The following WASHC3 variants were observed in gnomAD, a reference collection of about 807,000 sequenced individuals.
The protein encoded by WASHC3 is WASH complex subunit CCDC53.
WASHC3 carries 24 observed loss-of-function variants against 26.1 expected under a neutral mutation model. The observed-to-expected ratio is 0.92, with a 90% CI of 0.66 to 1.29. WASHC3 has a LOEUF of 1.29. Ranked by LOEUF, WASHC3 falls within the 50% of genes most tolerant of loss-of-function variation. The pLI is 0.00. For missense variants in WASHC3, 214 were observed against 229.6 expected, an observed-to-expected ratio of 0.93 and a Z score of 0.44; for synonymous variants, 77 against 75.7, an observed-to-expected ratio of 1.02 and a Z score of -0.09.
chr12:102,037,081 C>G (rs1877695151), intron 5 of WASHC3, among the ~76,000 whole-genome samples: 1 of 152,068 alleles, frequency 6.6e-6, no homozygotes, highest in Non-Finnish European at 1.5e-5. Context: ...AGTACCAACT[C>G]TAGAGATTCT....
At chr12:102,049,223 CT>C (rs1878292478) in intron 2 of WASHC3, among the ~76,000 whole-genome samples, 1 of 152,222 alleles carries the variant, frequency 6.6e-6, no homozygotes. Context: ...GCTAGTAGCA[CT>C]CCCCAGTTAT....
chr12:102,031,358 GAAGGAGGAGGACAAATGTCA>G (rs1370529360), intron 5 of WASHC3, among the ~76,000 whole-genome samples: 1 of 152,176 alleles, frequency 6.6e-6, no homozygotes, highest in African/African-American at 2.4e-5. Flanking sequence ...CTAGAAAGTA[GAAGGAGGAGGACAAATGTCA>G]GAGGTCACTT....
At chr12:102,013,719 ATGTT>A (rs1876580762) in intron 6 of WASHC3, among the ~76,000 whole-genome samples, 1 of 152,248 alleles carries the variant, frequency 6.6e-6, no homozygotes, top group Non-Finnish European at 1.5e-5. Flanking sequence ...AAGGTTCTTA[ATGTT>A]TGTTAAACGT....
intron 6 of WASHC3, among the ~76,000 whole-genome samples, chr12:102,021,061 G>A (rs555126820): frequency 5.3e-5 from 8 of 152,130 alleles, no homozygotes; most frequent in East Asian, 1.9e-4. Flanking sequence ...CAGCCTGGGC[G>A]ACAAGAGCAA....
intron 2 of WASHC3, among the ~76,000 whole-genome samples, chr12:102,056,391 G>T (rs1878594099): frequency 6.6e-6 from 1 of 152,160 alleles, no homozygotes; most frequent in Non-Finnish European, 1.5e-5. Flanking sequence ...TGGCCCTTTT[G>T]ACAGAAAACA....
chr12:102,019,355 A>G (rs1160703667), intron 6 of WASHC3: 4 of 375,994 alleles, frequency 1.1e-5, no homozygotes, highest in South Asian at 8.0e-5. Context: ...TATGATCATA[A>G]ATGTTCTTAC....
At chr12:102,013,304 C>T in intron 6 of WASHC3, 112 bp from the exon 7 acceptor site, 4 of 629,760 alleles carry the variant, frequency 6.4e-6, no homozygotes, top group Non-Finnish European at 2.8e-6. Context: ...TCTGCCAAGT[C>T]CGTGTCCTCA....
chr12:102,061,873 T>C (rs1248574643), intron 1 of WASHC3, 39 bp downstream of exon 1: 1 of 1,552,600 alleles, frequency 6.4e-7, no homozygotes, highest in Non-Finnish European at 8.8e-7. Flanking sequence ...CCCATCCTCC[T>C]CCCGGCTCGT....
intron 6 of WASHC3, among the ~76,000 whole-genome samples, chr12:102,020,120 T>C (rs1431066563): frequency 1.3e-5 from 2 of 152,220 alleles, no homozygotes; most frequent in East Asian, 3.8e-4. Flanking sequence ...GAATGTTTCC[T>C]TTTAAATGAA....
intron 2 of WASHC3, 149 bp downstream of exon 2, chr12:102,061,099 A>G (rs758592398): frequency 6.6e-6 from 4 of 602,822 alleles, no homozygotes; most frequent in Non-Finnish European, 1.2e-5. Context: ...ACAGAGTAAA[A>G]GAGAACCTAA....
At chr12:102,044,824 T>TAGCTTTCACTATGAAATAGTTA (rs1361224301) in intron 3 of WASHC3, among the ~76,000 whole-genome samples, 4 of 152,232 alleles carry the variant, frequency 2.6e-5, no homozygotes, top group Non-Finnish European at 4.4e-5. Context: ...TGAAATGGTT[T>TAGCTTTCACTATGAAATAGTTA]AGCTTTCACT....
chr12:102,025,079 A>C (rs1362078049), intron 6 of WASHC3, among the ~76,000 whole-genome samples: 1 of 152,198 alleles, frequency 6.6e-6, no homozygotes, highest in African/African-American at 2.4e-5. Flanking sequence ...TGAGAAAAAG[A>C]CTACTTCATA....
chr12:102,026,596 G>C (rs1332646394), intron 5 of WASHC3, among the ~76,000 whole-genome samples: 5 of 152,140 alleles, frequency 3.3e-5, no homozygotes, highest in Non-Finnish European at 7.4e-5. Context: ...GACAATTTTA[G>C]AAGTGTATAC....
At position 102,039,922 on chromosome 12, in the gene WASHC3, G is replaced by C. The variant is rs1330370485; in HGVS notation, c.381C>G (p.Ile127Met). ...ATCTTGGATCCTTGGCTACAGTTAA[G>C]ATATTTTCTGCTGATACTTCACTTT... is the stretch of plus-strand genomic sequence containing the variant. ...LQESEVSAENILTVAKDPRYA... is the reference protein window; with the variant it reads ...LQESEVSAENMLTVAKDPRYA... Residue 127 changes from isoleucine to methionine, a missense_variant, in exon 5 of 7, where the codon ATC becomes ATG. Physicochemically the swap from Ile to Met is conservative, Grantham distance 10 (BLOSUM62 1). Coordinates refer to ENST00000240079, the MANE Select transcript of WASHC3 (RefSeq NM_016053.4). The C allele has an allele frequency of 4.1e-5, 66 of 1,605,816 alleles. No homozygotes were observed. The highest frequency in any genetic ancestry group is 5.3e-5 in the Non-Finnish European group (62 of 1,173,086).
chr12:102,032,157 A>G (rs1261285551), intron 5 of WASHC3, among the ~76,000 whole-genome samples: 1 of 152,164 alleles, frequency 6.6e-6, no homozygotes, highest in African/African-American at 2.4e-5. Flanking sequence ...TGGAAGTCAC[A>G]TTTCCTCAGG....
intron 5 of WASHC3, among the ~76,000 whole-genome samples, chr12:102,031,206 A>G (rs78805248): frequency 0.032 from 4,906 of 152,306 alleles, 259 homozygotes; most frequent in African/African-American, 0.11. Context: ...AAAGTATGAC[A>G]AAAGTTATCT....
At chr12:102,019,921 C>T (rs923114819) in intron 6 of WASHC3, among the ~76,000 whole-genome samples, 3 of 152,094 alleles carry the variant, frequency 2.0e-5, no homozygotes, top group African/African-American at 7.2e-5. Flanking sequence ...TTTTGACACC[C>T]GTTCTTCTCC....
intron 6 of WASHC3, among the ~76,000 whole-genome samples, chr12:102,023,163 A>G (rs1877025921): frequency 6.6e-6 from 1 of 152,198 alleles, no homozygotes; most frequent in African/African-American, 2.4e-5. Context: ...TCATTTTTCT[A>G]GGAAAATTGC....
At chr12:102,047,542 T>G (rs1316516332) in intron 2 of WASHC3, among the ~76,000 whole-genome samples, 1 of 152,232 alleles carries the variant, frequency 6.6e-6, no homozygotes, top group South Asian at 2.1e-4. Flanking sequence ...GTTTATAACA[T>G]GTATTATGAA....
Sources: gnomAD v4.1 joint callset for allele counts (sites outside exome capture counted in the v4.1 genomes callset) on GRCh38, gnomAD v4.1.1 for gene constraint, MANE v1.5 for transcripts, NCBI Gene and HGNC (gene_info 2026-07-23, HGNC 2026-07-21) for gene names.